Variants in GLI2 observed in about 807,000 individuals in gnomAD.
GLI2 encodes GLI family zinc finger 2.
GLI2 carries 22 observed loss-of-function variants against 78.9 expected under a neutral mutation model. The observed-to-expected ratio is 0.28, with a 90% CI of 0.20 to 0.40. The LOEUF (loss-of-function observed/expected upper bound fraction) is 0.40. GLI2 is among the 10% of genes least tolerant of loss of function. The pLI, the probability that GLI2 is intolerant of heterozygous loss-of-function variation, is 1.00. For missense variants in GLI2, 2,097 were observed against 2,213.2 expected, an observed-to-expected ratio of 0.95 and a Z score of 1.05; for synonymous variants, 974 against 963.7, an observed-to-expected ratio of 1.01 and a Z score of -0.20.
Position 120,988,361 on chromosome 2 carries a change from C to A in GLI2, c.2396C>A (p.Ala799Asp). 6.4e-7 allele frequency: 1 copy of A among 1,572,874 alleles called. No individual in the cohort carries two copies. Among genetic ancestry groups the A allele is most frequent in the South Asian group, 1.1e-5 (1 of 87,422 alleles). Residue 799 changes from alanine (A) to aspartate (D), a missense_variant, in exon 14 of 14, where the codon GCC becomes GAC. Around this residue, in one of 5 missense-constraint regions of GLI2, gnomAD observed 1,290 missense variants for 1,261.7 expected, o/e 1.02. Coordinates refer to ENST00000361492, the MANE Select transcript of GLI2 (RefSeq NM_001374353.1). ...RDSSTSTVSSAYTVSRRSSGI... is the reference protein window; with the variant it reads ...RDSSTSTVSSDYTVSRRSSGI... ...AGCTCCACCAGCACGGTCAGCTCGG[C>A]CTACACCGTGAGCCGCCGCTCCTCC...
chr2:120,989,606 G>A lies in GLI2; in HGVS notation c.3641G>A (p.Gly1214Asp), dbSNP rs780403648. ...CAGCAGCTGCGACAGCCAGTGGCAG[G>A]CAGCCAGTGTCCTGGCATGACTACC... ...YMQQLRQPVA[G>D]SQCPGMTTTM... Residue 1214 changes from glycine to aspartate, a missense_variant, in exon 14 of 14, where the codon GGC becomes GAC. Physicochemically the swap from Gly to Asp is moderately conservative, Grantham distance 94. Transcript: ENST00000361492. 6.2e-7 allele frequency: 1 copy of A among 1,611,692 alleles called. No homozygotes were observed. Among genetic ancestry groups the A allele is most frequent in the African/African-American group, 1.3e-5 (1 of 74,918 alleles).
chr2:120,886,205 TGTGTGC>T lies in GLI2; in HGVS notation c.149-41151_149-41146del, dbSNP rs1195111220. Among the ~76,000 whole-genome samples, 55 of 33,376 alleles carry T rather than the reference TGTGTGC, an allele frequency of 1.6e-3. No individual in the cohort carries two copies. In the African/African-American group the frequency reaches 0.032, roughly 19 times the overall value. The allele number at this position is 33,376 out of a possible 152,430, so 21.9% of individuals were successfully genotyped here. On this transcript the variant is annotated intron_variant, in intron 2 of 13. Coordinates refer to ENST00000361492, the MANE Select transcript of GLI2 (RefSeq NM_001374353.1). ...GTGTGTGTGTGTGTGTGTGTGTGTG[TGTGTGC>T]GTGTATATTTTGGTTTTGGGTTTTT...
Position 120,947,701 on chromosome 2 carries a change from C to G in GLI2, c.255-3542C>G, listed in dbSNP as rs1224991754. ...CCGGCCCTGGTCATTTCACACCACC[C>G]TGGTGAGGCACCAGAGAGGAGCAGC... is the stretch of plus-strand genomic sequence containing the variant. On this transcript the variant is annotated intron_variant, in intron 3 of 13. Coordinates refer to ENST00000361492, the MANE Select transcript of GLI2 (RefSeq NM_001374353.1). 3.3e-5 allele frequency among the ~76,000 whole-genome samples: 5 copies of G among 152,222 alleles called. No individual in the cohort carries two copies. The East Asian group carries it at 9.7e-4, about 29-fold the overall frequency.
chr2:120,964,552 G>A (rs751125389), intron 5 of GLI2, among the ~76,000 whole-genome samples: 44 of 152,214 alleles, frequency 2.9e-4, no homozygotes, highest in Non-Finnish European at 4.9e-4. Context: ...GAGCCCACAC[G>A]TAAGTGGGCT....
intron 2 of GLI2, among the ~76,000 whole-genome samples, chr2:120,818,490 C>T (rs1447957647): frequency 2.0e-5 from 3 of 152,206 alleles, no homozygotes; most frequent in Admixed American, 6.5e-5. Flanking sequence ...CACACAAGGC[C>T]GAGCTGGGCC....
At chr2:120,947,399 C>T (rs1269101440) in intron 3 of GLI2, among the ~76,000 whole-genome samples, 1 of 152,206 alleles carries the variant, frequency 6.6e-6, no homozygotes, top group East Asian at 1.9e-4. Context: ...TGTGCATGTG[C>T]CCCACCGATG....
intron 2 of GLI2, among the ~76,000 whole-genome samples, chr2:120,874,504 T>C (rs1688632085): frequency 6.6e-6 from 1 of 152,200 alleles, no homozygotes; most frequent in African/African-American, 2.4e-5. Context: ...GCGTCAGCAT[T>C]TGGGGAAAGA....
intron 3 of GLI2, among the ~76,000 whole-genome samples, chr2:120,930,435 G>T (rs1321588003): frequency 6.6e-6 from 1 of 152,228 alleles, no homozygotes; most frequent in Non-Finnish European, 1.5e-5. Flanking sequence ...TAGAAATCAA[G>T]TTCCAGCCCC....
At chr2:120,955,157 T>C (rs1681188407) in intron 4 of GLI2, 88 bp from the exon 5 acceptor site, 2 of 310,136 alleles carry the variant, frequency 6.4e-6, no homozygotes, top group Non-Finnish European at 1.1e-5. Context: ...CTCTGCCTTT[T>C]TTTTTTTTTT....
intron 3 of GLI2, among the ~76,000 whole-genome samples, chr2:120,940,616 C>G (rs1412156510): frequency 6.6e-6 from 1 of 152,222 alleles, no homozygotes; most frequent in East Asian, 1.9e-4. Flanking sequence ...TCCATTCTCT[C>G]TCTGTGACCC....
At chr2:120,968,425 G>A (rs922952996) in intron 5 of GLI2, among the ~76,000 whole-genome samples, 1 of 152,184 alleles carries the variant, frequency 6.6e-6, no homozygotes, top group African/African-American at 2.4e-5. Context: ...CCTGGTCTCT[G>A]CACCCAGTGG....
At chr2:120,814,777 C>T (rs1685417391) in intron 2 of GLI2, among the ~76,000 whole-genome samples, 10 of 143,622 alleles carry the variant, frequency 7.0e-5, no homozygotes, top group Non-Finnish European at 1.1e-4. Context: ...TTCCTGCCCC[C>T]GCCCGCCCCA....
intron 2 of GLI2, among the ~76,000 whole-genome samples, chr2:120,920,247 C>T (rs1228972198): frequency 6.6e-6 from 1 of 152,260 alleles, no homozygotes; most frequent in East Asian, 1.9e-4. Context: ...TGGAACAGGC[C>T]CTCAGGCTTC....
intron 10 of GLI2, among the ~76,000 whole-genome samples, chr2:120,980,884 ATT>A (rs58013537): frequency 1.4e-5 from 2 of 146,720 alleles, no homozygotes; most frequent in African/African-American, 2.5e-5. Flanking sequence ...TTTGGAGTTA[ATT>A]TTTTTTTTTT....
intron 6 of GLI2, 87 bp downstream of exon 6, chr2:120,969,002 T>C (rs1452719685): frequency 1.0e-6 from 1 of 971,192 alleles, no homozygotes; most frequent in Admixed American, 1.9e-5. Context: ...GTGGGCGCTT[T>C]TGACCCGAGG....
intron 2 of GLI2, among the ~76,000 whole-genome samples, chr2:120,845,997 C>T (rs1310564029): frequency 6.6e-6 from 1 of 152,178 alleles, no homozygotes; most frequent in Non-Finnish European, 1.5e-5. Context: ...GAGCCAGGAT[C>T]TGGGTCTGTA....
chr2:120,760,824 AT>A (rs1471562223), intron 1 of GLI2, among the ~76,000 whole-genome samples: 2 of 152,288 alleles, frequency 1.3e-5, no homozygotes, highest in East Asian at 3.9e-4. Flanking sequence ...TCCTTGTGGA[AT>A]GCCACCCTTT....
At chr2:120,896,178 A>G (rs959884671) in intron 2 of GLI2, among the ~76,000 whole-genome samples, 4 of 152,166 alleles carry the variant, frequency 2.6e-5, no homozygotes, top group African/African-American at 4.8e-5. Flanking sequence ...TGTGGATCTC[A>G]TAGCATTAAG....
At chr2:120,924,028 G>C (rs1469978276) in intron 2 of GLI2, among the ~76,000 whole-genome samples, 4 of 152,206 alleles carry the variant, frequency 2.6e-5, no homozygotes, top group Non-Finnish European at 5.9e-5. Flanking sequence ...GAGCATGTCA[G>C]CTCATAGCTG....
Sources: gnomAD v4.1 joint callset for allele counts (sites outside exome capture counted in the v4.1 genomes callset) on GRCh38, gnomAD v4.1.1 for gene constraint, gnomAD v4.1.1 regional missense constraint, MANE v1.5 for transcripts, NCBI Gene and HGNC (gene_info 2026-07-23, HGNC 2026-07-21) for gene names.